Variants in SRD5A2 observed in about 807,000 individuals in gnomAD.
SRD5A2 encodes steroid 5 alpha-reductase 2.
Under a neutral mutation model 27.4 loss-of-function variants are expected in SRD5A2, and 30 were observed. The observed-to-expected ratio is 1.10, with a 90% confidence interval of 0.82 to 1.49. SRD5A2 has a LOEUF of 1.49. Among genes scored for constraint, SRD5A2 ranks in the 40% most tolerant of loss-of-function variants. SRD5A2 has a pLI of 0.00. For synonymous variants in SRD5A2, 141 were observed against 133.6 expected (o/e 1.06, Z -0.38); for missense variants, 348 against 323.4 (o/e 1.08, Z -0.58).
intron 1 of SRD5A2, among the ~76,000 whole-genome samples, chr2:31,566,730 C>G (rs962085414): frequency 6.6e-6 from 1 of 152,320 alleles, no homozygotes; most frequent in African/African-American, 2.4e-5. Flanking sequence ...TCCCTCAGAA[C>G]AGTAACTACT....
the SRD5A2 span, among the ~76,000 whole-genome samples, chr2:31,643,261 C>G: frequency 6.6e-6 from 1 of 152,044 alleles, no homozygotes; most frequent in South Asian, 2.1e-4. Flanking sequence ...CAAACTACTC[C>G]TTGTGTCTTC....
the SRD5A2 span, among the ~76,000 whole-genome samples, chr2:31,633,251 G>C: frequency 8.6e-3 from 1,312 of 152,278 alleles, 19 homozygotes; most frequent in African/African-American, 0.03. Flanking sequence ...AGCCACTGAA[G>C]AAGGAAAAAT....
upstream of SRD5A2, among the ~76,000 whole-genome samples, chr2:31,581,239 G>T (rs369766433): frequency 1.3e-5 from 2 of 152,066 alleles, no homozygotes; most frequent in African/African-American, 2.4e-5. Flanking sequence ...ACTAAGACAC[G>T]GGAAGAAAAC....
chr2:31,624,297 T>C, the SRD5A2 span, among the ~76,000 whole-genome samples: 1 of 152,130 alleles, frequency 6.6e-6, no homozygotes, highest in Non-Finnish European at 1.5e-5. Context: ...ACACTCACCC[T>C]GTTGTGCTAG....
rs17011504 is a variant in SRD5A2 at position 31,580,234 on chromosome 2, C to A, written c.281+386G>T. 3.5e-3 allele frequency among the ~76,000 whole-genome samples: 528 copies of A among 152,336 alleles called. 14 individuals are homozygous for A. In the East Asian group the frequency reaches 0.072, roughly 21 times the overall value. ...AGGAAGAAAGGGAAGCGGGGCGGGG[C>A]GCGATATGCCACAGGTAACCGCCGC... is the stretch of plus-strand genomic sequence containing the variant. On this transcript the variant is annotated intron_variant, in intron 1 of 4. Coordinates refer to ENST00000622030, the MANE Select transcript of SRD5A2 (RefSeq NM_000348.4).
At chr2:31,567,958 C>T (rs1209522282) in intron 1 of SRD5A2, among the ~76,000 whole-genome samples, 2 of 152,196 alleles carry the variant, frequency 1.3e-5, no homozygotes, top group East Asian at 1.9e-4. Context: ...TGTGAGTGAG[C>T]GCAGGGTCCA....
chr2:31,661,563 A>G, the SRD5A2 span, among the ~76,000 whole-genome samples: 3 of 152,198 alleles, frequency 2.0e-5, no homozygotes, highest in Admixed American at 2.0e-4. Context: ...TCAGATGTGT[A>G]GAAACACAAG....
intron 1 of SRD5A2, among the ~76,000 whole-genome samples, chr2:31,544,595 TA>T (rs1007714861): frequency 1.3e-5 from 2 of 151,704 alleles, no homozygotes; most frequent in African/African-American, 4.8e-5. Context: ...ATGATTATAT[TA>T]AAAACAAGGA....
At chr2:31,530,459 A>G (rs1348174543) in intron 3 of SRD5A2, among the ~76,000 whole-genome samples, 1 of 152,180 alleles carries the variant, frequency 6.6e-6, no homozygotes, top group Non-Finnish European at 1.5e-5. Context: ...AAGGGCCTAT[A>G]AATTTTCTAT....
At chr2:31,633,581 C>T in the SRD5A2 span, among the ~76,000 whole-genome samples, 23 of 152,134 alleles carry the variant, frequency 1.5e-4, no homozygotes, top group Non-Finnish European at 2.6e-4. Context: ...TCCCCTGGAC[C>T]GGCCTGCTAT....
At chr2:31,583,043 A>C (rs1001343456), upstream of SRD5A2, among the ~76,000 whole-genome samples, 1 of 152,182 alleles carries the variant, frequency 6.6e-6, no homozygotes, top group African/African-American at 2.4e-5. Flanking sequence ...AGCTTGATAA[A>C]ACCAGTCATC....
chr2:31,553,516 C>A (rs1041335169), intron 1 of SRD5A2, among the ~76,000 whole-genome samples: 5 of 152,058 alleles, frequency 3.3e-5, no homozygotes, highest in Non-Finnish European at 5.9e-5. Context: ...AAGAAATTGT[C>A]GAAGGCAGCA....
chr2:31,629,495 G>C, the SRD5A2 span, among the ~76,000 whole-genome samples: 1 of 152,186 alleles, frequency 6.6e-6, no homozygotes, highest in East Asian at 1.9e-4. Context: ...CCATCAGCCA[G>C]TTAAAAATGA....
At chr2:31,640,823 C>T in the SRD5A2 span, among the ~76,000 whole-genome samples, 1 of 151,928 alleles carries the variant, frequency 6.6e-6, no homozygotes, top group Non-Finnish European at 1.5e-5. Context: ...AGAGATATTT[C>T]TCTTTGGGGC....
chr2:31,566,966 G>T (rs1297792462), intron 1 of SRD5A2, among the ~76,000 whole-genome samples: 2 of 152,072 alleles, frequency 1.3e-5, no homozygotes, highest in African/African-American at 4.8e-5. Flanking sequence ...TGTCAACATG[G>T]ATTAAATCAG....
rs531546701 is a variant in SRD5A2 at position 31,523,797 on chromosome 2, C to T, written c.*2399G>A. 9 of 220,364 alleles carry T rather than the reference C, an allele frequency of 4.1e-5. No individual in the cohort carries two copies. The highest frequency in any genetic ancestry group is 1.8e-4 in the South Asian group (1 of 5,416). 13.7% of individuals were successfully genotyped at this position (220,364 alleles called of 1,614,324 possible). A position where few individuals can be genotyped will look rare whatever the true frequency, so the allele number is the denominator to read the frequency against. On this transcript the variant is annotated 3_prime_UTR_variant, in exon 5 of 5. Coordinates refer to ENST00000622030, the MANE Select transcript of SRD5A2 (RefSeq NM_000348.4). Reference sequence around the variant, plus strand: ...GTTTAGAGATGAGCACATGTTCAGACCTTTACTGTATTTAATCCACATACA... The same window carrying T: ...GTTTAGAGATGAGCACATGTTCAGATCTTTACTGTATTTAATCCACATACA...
At chr2:31,608,133 C>A in the SRD5A2 span, among the ~76,000 whole-genome samples, 1 of 151,970 alleles carries the variant, frequency 6.6e-6, no homozygotes, top group African/African-American at 2.4e-5. Context: ...CTGACTAAGA[C>A]ATCATATAAC....
the SRD5A2 span, among the ~76,000 whole-genome samples, chr2:31,587,642 C>T: frequency 1.6e-4 from 24 of 152,136 alleles, no homozygotes; most frequent in Non-Finnish European, 3.1e-4. Flanking sequence ...CAAACAAACA[C>T]AGGAACAGAA....
At chr2:31,590,010 G>A in the SRD5A2 span, among the ~76,000 whole-genome samples, 1 of 152,058 alleles carries the variant, frequency 6.6e-6, no homozygotes, top group Non-Finnish European at 1.5e-5. Context: ...CGCTTCCCTG[G>A]TGACATGTAT....
Sources: gnomAD v4.1 joint callset for allele counts (sites outside exome capture counted in the v4.1 genomes callset) on GRCh38, gnomAD v4.1.1 for gene constraint, MANE v1.5 for transcripts, NCBI Gene and HGNC (gene_info 2026-07-23, HGNC 2026-07-21) for gene names.